The following NRXN3 variants were observed in gnomAD, a reference collection of about 807,000 sequenced individuals.
The protein encoded by NRXN3 is neurexin 3, also known as neurexin III.
NRXN3 carries 32 observed loss-of-function variants against 137.6 expected under a neutral mutation model. That is an observed-to-expected ratio of 0.23 (90% CI 0.18 to 0.31). The LOEUF is 0.31. Ranked by LOEUF, NRXN3 falls within the 10% of genes least tolerant of loss-of-function variation. The probability of loss-of-function intolerance (pLI) is 1.00; values close to 1 mark genes in which losing one functional copy is unlikely to be tolerated. For missense variants in NRXN3, 1,574 were observed against 2,062.5 expected (o/e 0.76, Z 4.59); for synonymous variants, 798 against 784.5 (o/e 1.02, Z -0.29).
intron 16 of NRXN3, among the ~76,000 whole-genome samples, chr14:79,477,136 T>C (rs2096566809): frequency 6.6e-6 from 1 of 151,510 alleles, no homozygotes; most frequent in Non-Finnish European, 1.5e-5. Flanking sequence ...TTAATGTACA[T>C]AGATGGGATG....
intron 16 of NRXN3, among the ~76,000 whole-genome samples, chr14:79,522,421 G>T (rs1408277091): frequency 6.6e-6 from 1 of 152,030 alleles, no homozygotes; most frequent in African/African-American, 2.4e-5. Flanking sequence ...TACAGACCCA[G>T]AATTTCTTAT....
intron 17 of NRXN3, among the ~76,000 whole-genome samples, chr14:79,681,342 A>T (rs2098669194): frequency 6.6e-6 from 1 of 152,012 alleles, no homozygotes; most frequent in South Asian, 2.1e-4. Flanking sequence ...TGGCTATATC[A>T]TTTAGGTTCG....
intron 16 of NRXN3, among the ~76,000 whole-genome samples, chr14:79,476,822 G>C (rs1407994874): frequency 6.6e-6 from 1 of 152,048 alleles, no homozygotes; most frequent in South Asian, 2.1e-4. Flanking sequence ...AGAAGCTAAA[G>C]CATTTTCCCA....
At chr14:79,018,510 A>G (rs2099583646) in intron 15 of NRXN3, among the ~76,000 whole-genome samples, 1 of 151,956 alleles carries the variant, frequency 6.6e-6, no homozygotes, top group Non-Finnish European at 1.5e-5. Flanking sequence ...TATGATAAGA[A>G]TTTTACCATT....
At chr14:78,354,446 C>T (rs1247186145) in intron 4 of NRXN3, among the ~76,000 whole-genome samples, 4 of 152,198 alleles carry the variant, frequency 2.6e-5, no homozygotes, top group Admixed American at 2.6e-4. Context: ...CACTCCTAGT[C>T]TATTGAAACC....
chr14:79,380,639 A>C lies in NRXN3; in HGVS notation c.3263-86582A>C, dbSNP rs538851682. ...TGGTTCCAAGTCTTTGGTATTGTGA[A>C]TAGTGCCGCAATAAACATACGTGTG... On this transcript the variant is annotated intron_variant, in intron 15 of 20. Transcript: ENST00000335750. 8.5e-5 allele frequency among the ~76,000 whole-genome samples: 13 copies of C among 152,276 alleles called. No individual in the cohort carries two copies. The East Asian group carries it at 2.5e-3, about 29-fold the overall frequency.
intron 4 of NRXN3, among the ~76,000 whole-genome samples, chr14:78,445,936 T>G (rs1211061667): frequency 1.3e-5 from 2 of 152,188 alleles, no homozygotes; most frequent in Non-Finnish European, 2.9e-5. Context: ...GTCCCTTTCC[T>G]GCTTGTGGGA....
rs58492725 is a variant in NRXN3, at chr14:79,819,482, C to CTTTT, written c.4093+14309_4093+14312dup. Among the ~76,000 whole-genome samples, 76 of 71,910 alleles carry CTTTT rather than the reference C, an allele frequency of 1.1e-3. 5 individuals are homozygous for CTTTT. Among genetic ancestry groups the CTTTT allele is most frequent in the Middle Eastern group, 0.012 (1 of 82 alleles). The allele number at this position is 71,910 out of a possible 152,430, so 47.2% of individuals were successfully genotyped here. On this transcript the variant is annotated intron_variant, in intron 20 of 20. Coordinates refer to ENST00000335750, the MANE Select transcript of NRXN3 (RefSeq NM_001330195.2). ...ATAGGATACAACAGGACATTAAAAG[C>CTTTT]TTTTTTTTTTTTTTTTTTTTGAGAC... is the stretch of plus-strand genomic sequence containing the variant.
At chr14:78,353,491 G>A (rs551210208) in intron 4 of NRXN3, among the ~76,000 whole-genome samples, 25 of 152,234 alleles carry the variant, frequency 1.6e-4, no homozygotes, top group African/African-American at 4.3e-4. Flanking sequence ...TTATAAGGGC[G>A]TAGTCCCATT....
At chr14:78,309,239 C>T (rs2077684457) in intron 4 of NRXN3, among the ~76,000 whole-genome samples, 1 of 151,474 alleles carries the variant, frequency 6.6e-6, no homozygotes. Flanking sequence ...TATTATATAG[C>T]ACGTTCAGCC....
At chr14:79,700,783 T>G (rs897860360) in intron 19 of NRXN3, among the ~76,000 whole-genome samples, 6 of 152,094 alleles carry the variant, frequency 3.9e-5, no homozygotes, top group Admixed American at 6.6e-5. Context: ...GATTCCATTT[T>G]GTTACAGGTA....
At chr14:79,105,678 G>T (rs2052293268) in intron 15 of NRXN3, among the ~76,000 whole-genome samples, 1 of 152,096 alleles carries the variant, frequency 6.6e-6, no homozygotes, top group South Asian at 2.1e-4. Context: ...TTGAGGGAAA[G>T]TCTGCTAAAC....
intron 4 of NRXN3, among the ~76,000 whole-genome samples, chr14:78,615,444 CAA>C (rs11456993): frequency 4.6e-4 from 56 of 120,892 alleles, no homozygotes; most frequent in African/African-American, 1.2e-3. Context: ...ACTGAAAATA[CAA>C]AAAAAAAAAA....
intron 4 of NRXN3, among the ~76,000 whole-genome samples, chr14:78,493,530 A>G: frequency 7.4e-6 from 1 of 135,928 alleles, no homozygotes; most frequent in East Asian, 2.0e-4. Context: ...TCTCAAATAA[A>G]TAAATAAATA....
At chr14:78,990,415 G>A (rs866053749) in intron 15 of NRXN3, among the ~76,000 whole-genome samples, 38 of 125,068 alleles carry the variant, frequency 3.0e-4, no homozygotes, top group Middle Eastern at 6.6e-3. Context: ...GCTATTGCCC[G>A]GGCTGGAGTG....
rs116182393 is a variant in NRXN3, at chr14:78,340,493, G to A, written c.757+42633G>A. On this transcript the variant is annotated intron_variant, in intron 4 of 20. Transcript: ENST00000335750. ...GTCTATTGCTGGGGTCACTTATGCA[G>A]CTGCATTCATCTGGCAGATAGGCTG... Among the ~76,000 whole-genome samples, 229 of 152,294 alleles carry A rather than the reference G, an allele frequency of 1.5e-3. 1 individual carries two copies. The highest frequency in any genetic ancestry group is 5.1e-3 in the African/African-American group (214 of 41,570).
At chr14:79,804,432 T>C (rs748340070) in intron 19 of NRXN3, among the ~76,000 whole-genome samples, 1 of 152,130 alleles carries the variant, frequency 6.6e-6, no homozygotes, top group Non-Finnish European at 1.5e-5. Flanking sequence ...GTGCCTCAAG[T>C]CGAACTACTA....
chr14:79,250,467 G>A (rs1324357430), intron 15 of NRXN3, among the ~76,000 whole-genome samples: 2 of 152,200 alleles, frequency 1.3e-5, no homozygotes, highest in Non-Finnish European at 2.9e-5. Flanking sequence ...ATGATATGCT[G>A]AGAGCTTTTA....
At chr14:78,396,355 C>T (rs923732871) in intron 4 of NRXN3, among the ~76,000 whole-genome samples, 1 of 152,106 alleles carries the variant, frequency 6.6e-6, no homozygotes, top group African/African-American at 2.4e-5. Flanking sequence ...ATTTTTATTT[C>T]AATCATCAGA....
Sources: gnomAD v4.1 joint callset for allele counts (sites outside exome capture counted in the v4.1 genomes callset) on GRCh38, gnomAD v4.1.1 for gene constraint, MANE v1.5 for transcripts, NCBI Gene and HGNC (gene_info 2026-07-23, HGNC 2026-07-21) for gene names.